CCDC85A: variants seen among roughly 807,000 people sequenced by gnomAD.
CCDC85A encodes the protein coiled-coil domain-containing protein 85A.
Under a neutral mutation model 50.2 loss-of-function variants are expected in CCDC85A, and 38 were observed. That is an observed-to-expected ratio of 0.76 (90% CI 0.58 to 0.99). The LOEUF (loss-of-function observed/expected upper bound fraction) is 0.99. CCDC85A is among the 50% of genes least tolerant of loss of function. The pLI, the probability that CCDC85A is intolerant of heterozygous loss-of-function variation, is 0.00. For missense variants in CCDC85A, 820 were observed against 742.0 expected, an observed-to-expected ratio of 1.11 and a Z score of -1.22; for synonymous variants, 366 against 301.4, an observed-to-expected ratio of 1.21 and a Z score of -2.22.
At chr2:56,354,365 A>G (rs928903469) in intron 3 of CCDC85A, among the ~76,000 whole-genome samples, 29 of 152,252 alleles carry the variant, frequency 1.9e-4, no homozygotes, top group Non-Finnish European at 2.9e-5. Context: ...GAGGAGAATA[A>G]TGAAAGAGAA....
At chr2:56,341,234 A>G (rs1022285821) in intron 2 of CCDC85A, among the ~76,000 whole-genome samples, 2 of 152,152 alleles carry the variant, frequency 1.3e-5, no homozygotes, top group Non-Finnish European at 2.9e-5. Context: ...CTTAGTACAC[A>G]CGCTTGAGAC....
intron 3 of CCDC85A, among the ~76,000 whole-genome samples, chr2:56,361,946 A>G (rs1156949954): frequency 2.6e-5 from 4 of 152,096 alleles, no homozygotes; most frequent in Admixed American, 2.0e-4. Flanking sequence ...AGTCTAAGAG[A>G]GCTGAGAGTG....
At chr2:56,189,546 C>T (rs1676208144) in intron 1 of CCDC85A, among the ~76,000 whole-genome samples, 1 of 152,052 alleles carries the variant, frequency 6.6e-6, no homozygotes, top group Non-Finnish European at 1.5e-5. Context: ...CCACCTCGGC[C>T]TCCCAAAGTG....
chr2:56,221,706 A>G (rs1196348648), intron 2 of CCDC85A, among the ~76,000 whole-genome samples: 1 of 152,134 alleles, frequency 6.6e-6, no homozygotes, highest in Non-Finnish European at 1.5e-5. Context: ...AGAAAATAGT[A>G]AAATATTTGA....
chr2:56,305,461 T>C (rs1205584423), intron 2 of CCDC85A, among the ~76,000 whole-genome samples: 1 of 152,244 alleles, frequency 6.6e-6, no homozygotes, highest in Non-Finnish European at 1.5e-5. Context: ...GTTCCTGTGC[T>C]GTTAAACGCT....
At chr2:56,240,763 T>G (rs1305424880) in intron 2 of CCDC85A, among the ~76,000 whole-genome samples, 1 of 152,214 alleles carries the variant, frequency 6.6e-6, no homozygotes, top group East Asian at 1.9e-4. Flanking sequence ...AATGCATGGA[T>G]AATATACCAT....
chr2:56,287,098 A>G (rs959650142), intron 2 of CCDC85A, among the ~76,000 whole-genome samples: 1 of 152,142 alleles, frequency 6.6e-6, no homozygotes, highest in African/African-American at 2.4e-5. Context: ...CATAGTTATG[A>G]CATCTGGTGT....
chr2:56,184,438 G>A lies in CCDC85A; in HGVS notation c.-187G>A, dbSNP rs1675901928. 1 of 621,292 alleles carries A rather than the reference G, an allele frequency of 1.6e-6. No individual in the cohort carries two copies. Among genetic ancestry groups the A allele is most frequent in the Non-Finnish European group, 2.3e-6 (1 of 442,020 alleles). The allele number at this position is 621,292 out of a possible 1,614,324, so 38.5% of individuals were successfully genotyped here. A position where few individuals can be genotyped will look rare whatever the true frequency, so the allele number is the denominator to read the frequency against. On this transcript the variant is annotated 5_prime_UTR_variant, in exon 1 of 6. Transcript: ENST00000407595. ...GCCCTGGGGGAGCGCGGGCGCGCGC[G>A]CGGGGATGGCGAGGTAGGATGGCCA... is the stretch of plus-strand genomic sequence containing the variant.
intron 3 of CCDC85A, 43 bp from the exon 4 acceptor site, chr2:56,372,301 A>G (rs770255787): frequency 6.8e-7 from 1 of 1,462,018 alleles, no homozygotes. Context: ...CTTGGGAAAC[A>G]GTATTTTTCT....
At chr2:56,203,765 A>G (rs1180619002) in intron 2 of CCDC85A, among the ~76,000 whole-genome samples, 5 of 152,332 alleles carry the variant, frequency 3.3e-5, no homozygotes, top group East Asian at 1.9e-4. Context: ...CTTTACGGCA[A>G]TGAAAAACAA....
chr2:56,342,843 G>A, intron 2 of CCDC85A, 36 bp from the exon 3 acceptor site: 1 of 1,378,008 alleles, frequency 7.3e-7, no homozygotes, highest in South Asian at 1.2e-5. Context: ...AACAAGACCT[G>A]TGTGTATAAT....
intron 3 of CCDC85A, among the ~76,000 whole-genome samples, chr2:56,367,824 A>G (rs564473826): frequency 6.6e-6 from 1 of 152,346 alleles, no homozygotes; most frequent in Non-Finnish European, 1.5e-5. Context: ...AAATGCTTAT[A>G]GAGCACTTAT....
chr2:56,381,683 G>C (rs893672550), intron 5 of CCDC85A, among the ~76,000 whole-genome samples: 1 of 152,070 alleles, frequency 6.6e-6, no homozygotes, highest in Non-Finnish European at 1.5e-5. Flanking sequence ...ATCTTACAGA[G>C]GGGGCCATCT....
chr2:56,298,244 G>T (rs1672043930), intron 2 of CCDC85A, among the ~76,000 whole-genome samples: 1 of 152,200 alleles, frequency 6.6e-6, no homozygotes, highest in African/African-American at 2.4e-5. Flanking sequence ...GGACTGAAAT[G>T]ATGCCCAATA....
At chr2:56,203,464 T>C (rs1676828830) in intron 2 of CCDC85A, among the ~76,000 whole-genome samples, 1 of 152,176 alleles carries the variant, frequency 6.6e-6, no homozygotes, top group African/African-American at 2.4e-5. Flanking sequence ...TTTTCATCTT[T>C]AATTTCTTTG....
In CCDC85A at chr2:56,219,020, C is replaced by T. The variant is rs74834032; in HGVS notation, c.1240+25580C>T. ...ACAAACTGTGAAGCTCTGAATTCTCCAAGCTCTTCCTCTATTTTTTTTGAA... is the reference window on the plus strand; with the variant it reads ...ACAAACTGTGAAGCTCTGAATTCTCTAAGCTCTTCCTCTATTTTTTTTGAA... On this transcript the variant is annotated intron_variant, in intron 2 of 5. Transcript: ENST00000407595. 1.9e-3 allele frequency among the ~76,000 whole-genome samples: 288 copies of T among 151,256 alleles called. 4 individuals carry two copies. In the East Asian group the frequency reaches 0.052, roughly 27 times the overall value.
chr2:56,291,002 T>A (rs1671676972), intron 2 of CCDC85A, among the ~76,000 whole-genome samples: 1 of 152,226 alleles, frequency 6.6e-6, no homozygotes, highest in Admixed American at 6.5e-5. Context: ...GCAGATTCAT[T>A]TGACCATGTA....
intron 2 of CCDC85A, among the ~76,000 whole-genome samples, chr2:56,337,781 C>CTT (rs141442127): frequency 1.8e-4 from 26 of 147,114 alleles, no homozygotes; most frequent in African/African-American, 6.5e-4. Context: ...ATATAGGCTC[C>CTT]TTTTTTTTTT....
At chr2:56,286,867 G>C (rs1225182272) in intron 2 of CCDC85A, among the ~76,000 whole-genome samples, 1 of 152,186 alleles carries the variant, frequency 6.6e-6, no homozygotes, top group Non-Finnish European at 1.5e-5. Context: ...CTTCTGGAAA[G>C]CAGTTAAATT....
Sources: allele counts gnomAD v4.1 joint callset (sites outside exome capture counted in the v4.1 genomes callset), GRCh38; gene constraint gnomAD v4.1.1; transcripts MANE v1.5; gene names NCBI Gene and HGNC (gene_info 2026-07-23, HGNC 2026-07-21).